GRID1: variants seen among roughly 807,000 people sequenced by gnomAD.
The protein encoded by GRID1 is glutamate ionotropic receptor delta type subunit 1.
In GRID1, 28 loss-of-function variants were observed where a neutral mutation model predicts 98.0. The observed-to-expected ratio is 0.29, with a 90% CI of 0.21 to 0.39. The LOEUF is 0.39. GRID1 is among the 10% of genes least tolerant of loss of function. The probability of loss-of-function intolerance (pLI) is 1.00; values close to 1 mark genes in which losing one functional copy is unlikely to be tolerated. For synonymous variants in GRID1, 553 were observed against 538.5 expected (o/e 1.03, Z -0.37); for missense variants, 1,111 against 1,340.5 (o/e 0.83, Z 2.67).
intron 5 of GRID1, among the ~76,000 whole-genome samples, chr10:85,896,195 T>C (rs1841292063): frequency 6.6e-6 from 1 of 152,242 alleles, no homozygotes; most frequent in Admixed American, 6.5e-5. Flanking sequence ...TGTCTATTTC[T>C]AGTTAACAGG....
At chr10:86,185,395 T>C (rs1845713910) in intron 3 of GRID1, among the ~76,000 whole-genome samples, 1 of 152,178 alleles carries the variant, frequency 6.6e-6, no homozygotes. Flanking sequence ...ATTTTGCACA[T>C]GGATGATCAT....
intron 3 of GRID1, among the ~76,000 whole-genome samples, chr10:86,163,141 T>G (rs73346030): frequency 0.066 from 10,034 of 152,240 alleles, 610 homozygotes; most frequent in South Asian, 0.15. Context: ...GTACCCTCAG[T>G]GCCCTTTATG....
chr10:85,827,616 C>T (rs1842831627), intron 8 of GRID1, among the ~76,000 whole-genome samples: 1 of 151,448 alleles, frequency 6.6e-6, no homozygotes, highest in Admixed American at 6.6e-5. Flanking sequence ...TCTAACCTTG[C>T]TAGAAAAATG....
chr10:85,975,508 A>G (rs991059117), intron 4 of GRID1, among the ~76,000 whole-genome samples: 3 of 152,240 alleles, frequency 2.0e-5, no homozygotes, highest in African/African-American at 4.8e-5. Flanking sequence ...AAAATAAAAA[A>G]GCTATAAGAT....
intron 3 of GRID1, among the ~76,000 whole-genome samples, chr10:86,194,644 G>C (rs1215716579): frequency 2.0e-5 from 3 of 152,082 alleles, no homozygotes; most frequent in East Asian, 3.9e-4. Flanking sequence ...TTATGTATAT[G>C]ATACAAATAA....
At chr10:85,739,588 TCAAAA>T (rs968956586) in intron 8 of GRID1, among the ~76,000 whole-genome samples, 3 of 151,896 alleles carry the variant, frequency 2.0e-5, no homozygotes, top group Non-Finnish European at 2.9e-5. Context: ...TCAACTCAAC[TCAAAA>T]CAAAACAAAA....
At chr10:86,060,646 G>T (rs1257424646) in intron 4 of GRID1, among the ~76,000 whole-genome samples, 1 of 152,174 alleles carries the variant, frequency 6.6e-6, no homozygotes, top group Non-Finnish European at 1.5e-5. Context: ...CACCACAGCA[G>T]GGCGCTGGCC....
intron 4 of GRID1, among the ~76,000 whole-genome samples, chr10:85,989,445 T>C (rs1056563370): frequency 3.7e-4 from 57 of 152,060 alleles, no homozygotes; most frequent in African/African-American, 1.4e-3. Flanking sequence ...GAGGTACCAG[T>C]CCATAGCCAG....
chr10:85,831,128 T>TAA (rs139587452), intron 8 of GRID1, among the ~76,000 whole-genome samples: 2,545 of 149,988 alleles, frequency 0.017, 62 homozygotes, highest in East Asian at 0.051. Context: ...TATGTAGCTA[T>TAA]AAAAAAAAAA....
chr10:85,644,864 ATAAT>A (rs1222903067), intron 13 of GRID1, among the ~76,000 whole-genome samples: 5 of 152,212 alleles, frequency 3.3e-5, no homozygotes, highest in African/African-American at 1.2e-4. Context: ...GTAAAATGAT[ATAAT>A]CTTTATGGTC....
chr10:86,220,681 G>C (rs1191624343), intron 2 of GRID1, among the ~76,000 whole-genome samples: 1 of 152,206 alleles, frequency 6.6e-6, no homozygotes, highest in Non-Finnish European at 1.5e-5. Context: ...GGGGTGAGGG[G>C]TGCCACACCC....
intron 2 of GRID1, among the ~76,000 whole-genome samples, chr10:86,207,344 G>A (rs1043318314): frequency 6.6e-6 from 1 of 152,182 alleles, no homozygotes; most frequent in East Asian, 1.9e-4. Context: ...AAAGAAAGAC[G>A]TTCCCGCCAC....
chr10:85,774,644 C>T (rs1439582432), intron 8 of GRID1, among the ~76,000 whole-genome samples: 1 of 152,122 alleles, frequency 6.6e-6, no homozygotes, highest in African/African-American at 2.4e-5. Flanking sequence ...AAACAAACAA[C>T]CCTATTAAAA....
chr10:85,954,168 T>TC (rs1842160074), intron 4 of GRID1, among the ~76,000 whole-genome samples: 1 of 152,082 alleles, frequency 6.6e-6, no homozygotes, highest in South Asian at 2.1e-4. Context: ...GAAGTTCTGG[T>TC]CCCAGAAAAC....
Position 85,602,158 on chromosome 10 carries a change from T to C in GRID1, c.*115A>G. On this transcript the variant is annotated 3_prime_UTR_variant, in exon 16 of 16. Transcript: ENST00000327946. ...CATATGTACAAGAAAAATGAAAGAG[T>C]CTCTGTGTATGTGTGTGTGTGCGAG... The C allele has an allele frequency of 1.7e-6, 1 of 583,418 alleles. No individual in the cohort carries two copies. Among genetic ancestry groups the C allele is most frequent in the Non-Finnish European group, 2.9e-6 (1 of 339,410 alleles). The allele number at this position is 583,418 out of a possible 1,614,324, so 36.1% of individuals were successfully genotyped here.
At chr10:85,865,922 T>C (rs1287977535) in intron 6 of GRID1, among the ~76,000 whole-genome samples, 10 of 111,628 alleles carry the variant, frequency 9.0e-5, no homozygotes, top group Admixed American at 2.1e-4. Context: ...CATATATATA[T>C]ATATATATAT....
rs142487024 is a variant in GRID1 at position 85,642,080 on chromosome 10, G to T, written c.2193+5122C>A. 3.9e-5 allele frequency among the ~76,000 whole-genome samples: 6 copies of T among 152,306 alleles called. No homozygotes were observed. In the East Asian group the frequency reaches 1.2e-3, roughly 29 times the overall value. ...CCCTGGGTTGCCCCTGTCCAGACCA[G>T]GAGTCCTCAAACTTTTTCTATAAAG... On this transcript the variant is annotated intron_variant, in intron 13 of 15. Coordinates refer to ENST00000327946, the MANE Select transcript of GRID1 (RefSeq NM_017551.3).
chr10:85,707,760 A>G (rs1841537111), intron 12 of GRID1, among the ~76,000 whole-genome samples: 1 of 152,204 alleles, frequency 6.6e-6, no homozygotes, highest in South Asian at 2.1e-4. Context: ...TGGCACATAT[A>G]CACCATGGAA....
At chr10:85,649,220 A>C (rs181334923) in intron 12 of GRID1, among the ~76,000 whole-genome samples, 1 of 152,280 alleles carries the variant, frequency 6.6e-6, no homozygotes, top group East Asian at 1.9e-4. Context: ...CAGCACACAG[A>C]AGGCCCAGCT....
Sources: gnomAD v4.1 joint callset for allele counts (sites outside exome capture counted in the v4.1 genomes callset) on GRCh38, gnomAD v4.1.1 for gene constraint, MANE v1.5 for transcripts, NCBI Gene and HGNC (gene_info 2026-07-23, HGNC 2026-07-21) for gene names.